The following COL8A1 variants were observed in gnomAD, a reference collection of about 807,000 sequenced individuals.
COL8A1 encodes the protein collagen alpha-1(VIII) chain.
Under a neutral mutation model 42.7 loss-of-function variants are expected in COL8A1, and 21 were observed. The observed-to-expected ratio is 0.49, with a 90% CI of 0.35 to 0.71. The LOEUF is 0.71. Among genes scored for constraint, COL8A1 ranks in the 30% least tolerant of loss-of-function variants. The pLI, the probability that COL8A1 is intolerant of heterozygous loss-of-function variation, is 0.01. For synonymous variants in COL8A1, 367 were observed against 369.1 expected (o/e 0.99, Z 0.06); for missense variants, 788 against 962.4 (o/e 0.82, Z 2.40).
In COL8A1 at chr3:99,657,947, T is replaced by G. The variant is rs552094138; in HGVS notation, c.-129+19283T>G. 7.2e-5 allele frequency among the ~76,000 whole-genome samples: 11 copies of G among 152,030 alleles called. No individual in the cohort carries two copies. In the South Asian group the frequency reaches 1.0e-3, roughly 14 times the overall value. On this transcript the variant is annotated intron_variant, in intron 1 of 3. Transcript: ENST00000652472. ...GTTTGAGACAGCCTGACCAACATGGTGAAACCACGTCTCTACTAAAAATAC... is the reference window on the plus strand; with the variant it reads ...GTTTGAGACAGCCTGACCAACATGGGGAAACCACGTCTCTACTAAAAATAC...
At chr3:99,729,029 GA>G (rs150503360) in intron 1 of COL8A1, among the ~76,000 whole-genome samples, 11 of 151,812 alleles carry the variant, frequency 7.2e-5, no homozygotes, top group African/African-American at 2.7e-4. Context: ...TGTTTCATTT[GA>G]AAAAAAGCTA....
At chr3:99,767,651 G>A (rs989678370) in intron 2 of COL8A1, among the ~76,000 whole-genome samples, 2 of 152,076 alleles carry the variant, frequency 1.3e-5, no homozygotes, top group Admixed American at 6.6e-5. Flanking sequence ...ATGTTTTGCC[G>A]CAACCCAACT....
intron 2 of COL8A1, among the ~76,000 whole-genome samples, chr3:99,770,546 C>G (rs368058592): frequency 4.6e-5 from 7 of 152,234 alleles, no homozygotes; most frequent in Non-Finnish European, 8.8e-5. Context: ...AAGTAAATGA[C>G]AGCCAGTGAA....
intron 1 of COL8A1, among the ~76,000 whole-genome samples, chr3:99,741,651 A>G (rs1251373761): frequency 1.3e-5 from 2 of 152,166 alleles, no homozygotes; most frequent in South Asian, 2.1e-4. Context: ...ATTTGCTGGC[A>G]TTGTCAACAG....
intron 2 of COL8A1, among the ~76,000 whole-genome samples, chr3:99,749,680 G>C (rs557470885): frequency 6.6e-6 from 1 of 152,090 alleles, no homozygotes; most frequent in Admixed American, 6.5e-5. Flanking sequence ...TTTACCTATT[G>C]TTCATAAAGC....
chr3:99,712,748 T>C (rs1939876694), intron 1 of COL8A1, among the ~76,000 whole-genome samples: 1 of 152,078 alleles, frequency 6.6e-6, no homozygotes, highest in Admixed American at 6.6e-5. Flanking sequence ...TTTCCAAAAG[T>C]GGAGTGACTT....
intron 1 of COL8A1, among the ~76,000 whole-genome samples, chr3:99,667,939 TA>T (rs780563133): frequency 9.9e-5 from 15 of 152,090 alleles, no homozygotes; most frequent in East Asian, 3.9e-4. Flanking sequence ...ACTGATTTCA[TA>T]AAAAAAATTA....
chr3:99,642,040 C>T (rs1403008548), intron 1 of COL8A1, among the ~76,000 whole-genome samples: 1 of 152,144 alleles, frequency 6.6e-6, no homozygotes, highest in African/African-American at 2.4e-5. Flanking sequence ...AAAGTTGTCA[C>T]AAAATGCTAA....
intron 1 of COL8A1, among the ~76,000 whole-genome samples, chr3:99,647,475 GTC>G (rs10662522): frequency 1.1e-3 from 164 of 146,894 alleles, no homozygotes; most frequent in East Asian, 3.8e-3. Context: ...TATTATTCAA[GTC>G]TCTCTCTCTC....
At chr3:99,730,300 C>G (rs1940463595) in intron 1 of COL8A1, among the ~76,000 whole-genome samples, 1 of 152,134 alleles carries the variant, frequency 6.6e-6, no homozygotes, top group Admixed American at 6.6e-5. Context: ...TGTGGTAAGC[C>G]TGTTTTGTGA....
intron 2 of COL8A1, among the ~76,000 whole-genome samples, chr3:99,785,308 C>T (rs1269312997): frequency 1.3e-5 from 2 of 152,138 alleles, no homozygotes; most frequent in African/African-American, 2.4e-5. Flanking sequence ...CCTATCAACA[C>T]ACTAAGACTT....
chr3:99,735,476 C>T (rs1346401349), intron 1 of COL8A1, among the ~76,000 whole-genome samples: 1 of 139,996 alleles, frequency 7.1e-6, no homozygotes, highest in Admixed American at 7.3e-5. Flanking sequence ...TATATTGAAC[C>T]AGCCTTGCAT....
At chr3:99,684,411 C>T (rs1392699415) in intron 1 of COL8A1, among the ~76,000 whole-genome samples, 1 of 152,158 alleles carries the variant, frequency 6.6e-6, no homozygotes, top group Non-Finnish European at 1.5e-5. Flanking sequence ...TATCTCTCTG[C>T]CTGCCTTCCT....
intron 2 of COL8A1, among the ~76,000 whole-genome samples, chr3:99,768,600 T>C (rs944883263): frequency 1.3e-5 from 2 of 152,234 alleles, no homozygotes; most frequent in African/African-American, 4.8e-5. Flanking sequence ...CTATGCTGGT[T>C]GTCATACACT....
At chr3:99,677,322 T>C (rs955093990) in intron 1 of COL8A1, among the ~76,000 whole-genome samples, 1 of 152,144 alleles carries the variant, frequency 6.6e-6, no homozygotes, top group Non-Finnish European at 1.5e-5. Context: ...CAAATCTTTC[T>C]TATTCTTGCT....
rs538188476 is a variant in COL8A1, at chr3:99,676,022, C to T, written c.-129+37358C>T. The stretch of plus-strand genomic sequence containing the variant: ...TTGCATACAGGAATAATATTAATAG[C>T]ATTGTAAACTATCATCTGACATTAA... On this transcript the variant is annotated intron_variant, in intron 1 of 3. Coordinates refer to ENST00000652472, the MANE Select transcript of COL8A1 (RefSeq NM_020351.4). Among the ~76,000 whole-genome samples the T allele has an allele frequency of 1.8e-4, 28 of 152,134 alleles. No homozygotes were observed. In the South Asian group the frequency reaches 4.4e-3, roughly 24 times the overall value.
chr3:99,767,578 C>G (rs1214205298), intron 2 of COL8A1, among the ~76,000 whole-genome samples: 3 of 152,154 alleles, frequency 2.0e-5, no homozygotes, highest in African/African-American at 7.2e-5. Flanking sequence ...CCGTGATGAC[C>G]TGGCTCAGTC....
chr3:99,666,717 C>T (rs1255340844), intron 1 of COL8A1, among the ~76,000 whole-genome samples: 1 of 152,176 alleles, frequency 6.6e-6, no homozygotes, highest in Non-Finnish European at 1.5e-5. Context: ...CTCTGTCCTT[C>T]CTTTGTTCCC....
At chr3:99,667,096 T>C (rs1419355940) in intron 1 of COL8A1, among the ~76,000 whole-genome samples, 1 of 152,204 alleles carries the variant, frequency 6.6e-6, no homozygotes, top group Non-Finnish European at 1.5e-5. Flanking sequence ...GCACGGCATG[T>C]GGTTTTGGCT....
Sources: allele counts gnomAD v4.1 joint callset (sites outside exome capture counted in the v4.1 genomes callset), GRCh38; gene constraint gnomAD v4.1.1; transcripts MANE v1.5; gene names NCBI Gene and HGNC (gene_info 2026-07-23, HGNC 2026-07-21).